Variants in PRIM2 observed in about 807,000 individuals in gnomAD.
PRIM2 encodes the protein DNA primase large subunit.
In PRIM2, 39 loss-of-function variants were observed where a neutral mutation model predicts 67.3. The ratio of observed to expected loss-of-function variants is 0.58; its 90% CI spans 0.45 to 0.76. The LOEUF (loss-of-function observed/expected upper bound fraction) is 0.76, where lower values mean the gene tolerates loss of function less well. Among genes scored for constraint, PRIM2 ranks in the 30% least tolerant of loss-of-function variants. PRIM2 has a pLI of 0.00. For missense variants in PRIM2, 398 were observed against 598.7 expected (o/e 0.66, Z 3.50); for synonymous variants, 143 against 198.7 (o/e 0.72, Z 2.36).
chr6:57,506,139 C>T (rs1774246206), intron 7 of PRIM2, among the ~76,000 whole-genome samples: 1 of 119,986 alleles, frequency 8.3e-6, no homozygotes, highest in East Asian at 2.8e-4. Flanking sequence ...TATTTTAATA[C>T]TTAGTATTTT....
intron 7 of PRIM2, among the ~76,000 whole-genome samples, chr6:57,502,065 A>G (rs1554346921): frequency 7.9e-5 from 12 of 152,326 alleles, no homozygotes; most frequent in African/African-American, 2.2e-4. Flanking sequence ...CATAGATTAG[A>G]AGGAAGGAAC....
At chr6:57,278,141 A>T in the PRIM2 span, among the ~76,000 whole-genome samples, 1 of 151,874 alleles carries the variant, frequency 6.6e-6, no homozygotes, top group East Asian at 1.9e-4. Flanking sequence ...ATCCTGGCCA[A>T]CATGGTGAAA....
At chr6:57,446,494 A>T (rs1035998436) in intron 7 of PRIM2, among the ~76,000 whole-genome samples, 1 of 141,092 alleles carries the variant, frequency 7.1e-6, no homozygotes, top group African/African-American at 2.7e-5. Flanking sequence ...GCTCACTGCA[A>T]CCTGTGCTTT....
In PRIM2 at chr6:57,318,492, A is replaced by G; in HGVS notation, c.47A>G (p.Asp16Gly). Reference sequence around the variant, plus strand: ...TGGAGGAAGCTGAGGTTGGCAGGTGACCAGAGGAATGCTTCCTACCCTCAT... The same window carrying G: ...TGGAGGAAGCTGAGGTTGGCAGGTGGCCAGAGGAATGCTTCCTACCCTCAT... ...RKWRKLRLAG[D>G]QRNASYPHCL... Residue 16 changes from aspartate to glycine, a missense_variant, in exon 2 of 14, where the codon GAC becomes GGC. Transcript: ENST00000615550. The G allele has an allele frequency of 6.2e-7, 1 of 1,610,444 alleles. No homozygotes were observed. The highest frequency in any genetic ancestry group is 8.5e-7 in the Non-Finnish European group (1 of 1,178,246).
chr6:57,509,210 C>G (rs1554347487), intron 8 of PRIM2, among the ~76,000 whole-genome samples: 6 of 135,132 alleles, frequency 4.4e-5, no homozygotes, highest in Admixed American at 2.3e-4. Context: ...ACGAAGAAGT[C>G]GTAACCTTTG....
At chr6:57,538,219 T>C (rs1447702031) in intron 10 of PRIM2, among the ~76,000 whole-genome samples, 1 of 152,096 alleles carries the variant, frequency 6.6e-6, no homozygotes, top group African/African-American at 2.4e-5. Flanking sequence ...AGATGGAGTC[T>C]CACTATGTTG....
At chr6:57,331,751 T>G (rs1305155111) in intron 5 of PRIM2, among the ~76,000 whole-genome samples, 4 of 152,074 alleles carry the variant, frequency 2.6e-5, no homozygotes, top group African/African-American at 9.7e-5. Flanking sequence ...TGATGATGTC[T>G]TCTCTTTCCT....
At chr6:57,458,582 G>A (rs1448484475) in intron 7 of PRIM2, among the ~76,000 whole-genome samples, 9 of 152,312 alleles carry the variant, frequency 5.9e-5, no homozygotes, top group Admixed American at 2.0e-4. Context: ...CTACTCTGGA[G>A]GCTGAGGAAG....
intron 7 of PRIM2, among the ~76,000 whole-genome samples, chr6:57,492,324 C>A (rs1387484791): frequency 1.3e-5 from 2 of 152,104 alleles, no homozygotes; most frequent in Non-Finnish European, 2.9e-5. Flanking sequence ...GGGCAGATCA[C>A]CTGAGGTCAG....
At chr6:57,476,238 G>A (rs1748924535) in intron 7 of PRIM2, among the ~76,000 whole-genome samples, 1 of 152,094 alleles carries the variant, frequency 6.6e-6, no homozygotes, top group South Asian at 2.1e-4. Context: ...GGTCATAATG[G>A]ACTTAAAAAT....
intron 7 of PRIM2, among the ~76,000 whole-genome samples, chr6:57,439,998 C>T (rs1029873): frequency 7.9e-5 from 12 of 151,560 alleles, no homozygotes; most frequent in South Asian, 2.1e-4. Context: ...AATATTTGTT[C>T]GCGTTTTTCT....
At chr6:57,307,235 A>G in the PRIM2 span, among the ~76,000 whole-genome samples, 1 of 140,640 alleles carries the variant, frequency 7.1e-6, no homozygotes, top group Non-Finnish European at 1.5e-5. Flanking sequence ...AAAAAATAAA[A>G]AAATAAATGC....
chr6:57,284,456 A>G, the PRIM2 span, among the ~76,000 whole-genome samples: 2 of 152,216 alleles, frequency 1.3e-5, no homozygotes, highest in African/African-American at 4.8e-5. Context: ...TACTCAAGTA[A>G]TACATAGTTA....
chr6:57,626,524 A>G (rs1391607545), intron 12 of PRIM2, among the ~76,000 whole-genome samples: 2 of 152,196 alleles, frequency 1.3e-5, no homozygotes, highest in African/African-American at 2.4e-5. Context: ...AGAAAAAAAA[A>G]ATCAGTAATT....
chr6:57,473,389 TTTCCAGCTAGCTCAGTGG>T (rs1201898458), intron 7 of PRIM2, among the ~76,000 whole-genome samples: 1 of 152,220 alleles, frequency 6.6e-6, no homozygotes, highest in African/African-American at 2.4e-5. Flanking sequence ...ATGTACACAC[TTTCCAGCTAGCTCAGTGG>T]TTCTTAACCC....
intron 7 of PRIM2, among the ~76,000 whole-genome samples, chr6:57,390,383 A>G (rs1770295037): frequency 6.6e-6 from 1 of 151,966 alleles, no homozygotes; most frequent in African/African-American, 2.4e-5. Flanking sequence ...TATTCAACAC[A>G]TATTTCTTTT....
chr6:57,386,795 A>G (rs1474501464), intron 7 of PRIM2, among the ~76,000 whole-genome samples: 2 of 151,106 alleles, frequency 1.3e-5, no homozygotes, highest in South Asian at 2.1e-4. Flanking sequence ...GTAATTGAAA[A>G]CTTTCAGCTT....
At chr6:57,282,877 A>C in the PRIM2 span, among the ~76,000 whole-genome samples, 1 of 152,182 alleles carries the variant, frequency 6.6e-6, no homozygotes, top group Non-Finnish European at 1.5e-5. Flanking sequence ...GTCCTACTAA[A>C]CGAATGTACT....
At chr6:57,638,198 G>T (rs1267519315) in intron 13 of PRIM2, among the ~76,000 whole-genome samples, 2 of 152,166 alleles carry the variant, frequency 1.3e-5, no homozygotes, top group African/African-American at 4.8e-5. Context: ...ACAAGCAAAT[G>T]CTGAGAGATT....
Sources: gnomAD v4.1 joint callset for allele counts (sites outside exome capture counted in the v4.1 genomes callset) on GRCh38, gnomAD v4.1.1 for gene constraint, MANE v1.5 for transcripts, NCBI Gene and HGNC (gene_info 2026-07-23, HGNC 2026-07-21) for gene names.